EPHB1: variants seen among roughly 807,000 people sequenced by gnomAD.
EPHB1 encodes the protein ephrin type-B receptor 1.
In EPHB1, 30 loss-of-function variants were observed where a neutral mutation model predicts 94.4. The observed-to-expected ratio is 0.32, with a 90% CI of 0.24 to 0.43. The LOEUF is 0.43. Ranked by LOEUF, EPHB1 falls within the 20% of genes least tolerant of loss-of-function variation. The pLI is 1.00. For synonymous variants in EPHB1, 522 were observed against 489.1 expected, an observed-to-expected ratio of 1.07 and a Z score of -0.89; for missense variants, 1,055 against 1,308.3, an observed-to-expected ratio of 0.81 and a Z score of 2.99.
chr3:134,826,251 CAAA>C (rs34084951), intron 1 of EPHB1, among the ~76,000 whole-genome samples: 26 of 119,000 alleles, frequency 2.2e-4, no homozygotes, highest in Non-Finnish European at 2.4e-4. Context: ...GACTCCATCT[CAAA>C]AAAAAAAAAA....
At chr3:135,232,328 C>G (rs1388869515) in intron 12 of EPHB1, among the ~76,000 whole-genome samples, 1 of 152,238 alleles carries the variant, frequency 6.6e-6, no homozygotes, top group South Asian at 2.1e-4. Context: ...TAGACAGTGA[C>G]TGTGGAACAG....
At chr3:134,915,761 G>T (rs983618924) in intron 1 of EPHB1, among the ~76,000 whole-genome samples, 1 of 152,100 alleles carries the variant, frequency 6.6e-6, no homozygotes, top group African/African-American at 2.4e-5. Flanking sequence ...TGGTGGGTTC[G>T]TGGTCTCAAT....
intron 1 of EPHB1, among the ~76,000 whole-genome samples, chr3:134,814,460 A>T (rs6793917): frequency 2.0e-5 from 3 of 151,946 alleles, no homozygotes; most frequent in Admixed American, 6.5e-5. Context: ...TCGGTGATGT[A>T]GGAGGTCAGG....
chr3:134,953,029 G>A (rs1322772074), intron 3 of EPHB1, among the ~76,000 whole-genome samples: 8 of 152,084 alleles, frequency 5.3e-5, no homozygotes, highest in African/African-American at 1.7e-4. Flanking sequence ...ATGGACCTCA[G>A]AAATGACCAC....
At chr3:135,041,068 A>C (rs1387051808) in intron 3 of EPHB1, among the ~76,000 whole-genome samples, 12 of 152,128 alleles carry the variant, frequency 7.9e-5, no homozygotes, top group Non-Finnish European at 2.9e-5. Context: ...CCTGCTGGTA[A>C]AGGATATATT....
chr3:135,170,295 G>A (rs1238325924), intron 9 of EPHB1, among the ~76,000 whole-genome samples: 3 of 152,188 alleles, frequency 2.0e-5, no homozygotes, highest in African/African-American at 4.8e-5. Flanking sequence ...TAGTTGAGAC[G>A]TGGCAGATCT....
chr3:135,010,124 T>TA (rs1432877158), intron 3 of EPHB1, among the ~76,000 whole-genome samples: 1 of 152,220 alleles, frequency 6.6e-6, no homozygotes, highest in Non-Finnish European at 1.5e-5. Context: ...TTTAATAGAT[T>TA]AAAAAATTAA....
chr3:134,896,123 C>A (rs2038082391), intron 1 of EPHB1, among the ~76,000 whole-genome samples: 1 of 152,094 alleles, frequency 6.6e-6, no homozygotes, highest in Non-Finnish European at 1.5e-5. Flanking sequence ...TACACCAGGA[C>A]ACATATTGTG....
At chr3:134,974,956 T>C in intron 3 of EPHB1, among the ~76,000 whole-genome samples, 1 of 152,274 alleles carries the variant, frequency 6.6e-6, no homozygotes, top group South Asian at 2.1e-4. Flanking sequence ...TCCCTGCCAC[T>C]GCCCATCCTC....
At chr3:134,974,988 CCT>C (rs1341503898) in intron 3 of EPHB1, among the ~76,000 whole-genome samples, 3 of 151,788 alleles carry the variant, frequency 2.0e-5, no homozygotes, top group Non-Finnish European at 4.4e-5. Flanking sequence ...TTTTTCCTCC[CCT>C]CTCTCCATCT....
At chr3:134,963,936 G>A (rs1224388731) in intron 3 of EPHB1, among the ~76,000 whole-genome samples, 2 of 152,182 alleles carry the variant, frequency 1.3e-5, no homozygotes, top group Non-Finnish European at 2.9e-5. Flanking sequence ...ATATTCACCA[G>A]TGAGAGTGAA....
At chr3:135,028,125 A>G (rs1338192079) in intron 3 of EPHB1, among the ~76,000 whole-genome samples, 74 of 129,104 alleles carry the variant, frequency 5.7e-4, no homozygotes, top group East Asian at 9.6e-4. Context: ...TTTTTTCTTT[A>G]TTAGTCTTGC....
At chr3:135,012,255 G>A (rs138752587) in intron 3 of EPHB1, among the ~76,000 whole-genome samples, 3 of 152,308 alleles carry the variant, frequency 2.0e-5, no homozygotes, top group East Asian at 3.9e-4. Context: ...TGCTCCCAAG[G>A]CATCAACATT....
intron 3 of EPHB1, among the ~76,000 whole-genome samples, chr3:135,045,466 T>C (rs370786551): frequency 1.3e-5 from 2 of 152,228 alleles, no homozygotes; most frequent in Admixed American, 6.5e-5. Context: ...ACTCGTGTGA[T>C]TGAGTTGCAA....
intron 5 of EPHB1, among the ~76,000 whole-genome samples, chr3:135,142,622 T>G (rs1940865569): frequency 1.3e-5 from 2 of 152,118 alleles, no homozygotes; most frequent in South Asian, 2.1e-4. Context: ...CATCTGAGGT[T>G]GTGGTGAGGA....
At chr3:135,165,122 C>G (rs1327712795) in intron 7 of EPHB1, among the ~76,000 whole-genome samples, 2 of 152,160 alleles carry the variant, frequency 1.3e-5, no homozygotes, top group African/African-American at 4.8e-5. Flanking sequence ...GAAAGCATAA[C>G]CAGGACAATA....
At chr3:134,956,047 G>A (rs1259361971) in intron 3 of EPHB1, among the ~76,000 whole-genome samples, 1 of 152,052 alleles carries the variant, frequency 6.6e-6, no homozygotes, top group Admixed American at 6.5e-5. Context: ...CTACTGTGTA[G>A]CCTAAAATAT....
intron 3 of EPHB1, among the ~76,000 whole-genome samples, chr3:135,025,036 A>G (rs1486934135): frequency 1.3e-5 from 2 of 151,724 alleles, no homozygotes; most frequent in African/African-American, 2.4e-5. Context: ...GTTAACATAT[A>G]TTTACAACTT....
At chr3:135,248,050 A>G (rs1943970894) in intron 13 of EPHB1, among the ~76,000 whole-genome samples, 1 of 152,194 alleles carries the variant, frequency 6.6e-6, no homozygotes, top group Non-Finnish European at 1.5e-5. Context: ...ACAAACATTT[A>G]CAGAGGTCCA....
Sources: gnomAD v4.1 joint callset for allele counts (sites outside exome capture counted in the v4.1 genomes callset) on GRCh38, gnomAD v4.1.1 for gene constraint, MANE v1.5 for transcripts, NCBI Gene and HGNC (gene_info 2026-07-23, HGNC 2026-07-21) for gene names.